The following PCDH7 variants were observed in gnomAD, a reference collection of about 807,000 sequenced individuals.
PCDH7 encodes protocadherin-7.
A neutral mutation model predicts 58.9 loss-of-function variants in PCDH7; 17 were observed. The observed-to-expected ratio is 0.29, with a 90% confidence interval of 0.20 to 0.43. The LOEUF (loss-of-function observed/expected upper bound fraction) is 0.43, where lower values mean the gene tolerates loss of function less well. Among genes scored for constraint, PCDH7 ranks in the 20% least tolerant of loss-of-function variants. The pLI is 1.00. For synonymous variants in PCDH7, 664 were observed against 616.4 expected, an observed-to-expected ratio of 1.08 and a Z score of -1.14; for missense variants, 1,274 against 1,441.0, an observed-to-expected ratio of 0.88 and a Z score of 1.88.
chr4:30,792,665 G>A (rs144173710), intron 1 of PCDH7, among the ~76,000 whole-genome samples: 1 of 152,094 alleles, frequency 6.6e-6, no homozygotes, highest in African/African-American at 2.4e-5. Context: ...AGCTCAGTCT[G>A]TTTTCTAATT....
exon 2 of PCDH7, chr4:30,732,682 C>G (rs1003160439): frequency 4.0e-5 from 6 of 151,714 alleles, no homozygotes; most frequent in Non-Finnish European, 7.4e-5. Flanking sequence ...TTCTCGGTTG[C>G]TATGTTAAAA....
chr4:30,976,591 G>C (rs1332877641), intron 3 of PCDH7, among the ~76,000 whole-genome samples: 1 of 151,414 alleles, frequency 6.6e-6, no homozygotes, highest in Non-Finnish European at 1.5e-5. Flanking sequence ...AGTAGAGATG[G>C]GGTTTCACCA....
At position 30,849,977 on chromosome 4, in the gene PCDH7, A is replaced by G. The variant is rs755826317; in HGVS notation, c.71-70176A>G. Among the ~76,000 whole-genome samples, 7 of 151,946 alleles carry G rather than the reference A, an allele frequency of 4.6e-5. No individual in the cohort carries two copies. In the South Asian group the frequency reaches 1.0e-3, roughly 23 times the overall value. On this transcript the variant is annotated intron_variant, in intron 1 of 3. Coordinates refer to the PCDH7 transcript ENST00000509759. ...ATAACATTACTTTGCCTATAGCATA[A>G]TTTTCTTTATTCTGCAAAAGAACCA...
At chr4:30,966,894 TGA>T (rs1749045473) in intron 3 of PCDH7, among the ~76,000 whole-genome samples, 1 of 152,118 alleles carries the variant, frequency 6.6e-6, no homozygotes, top group African/African-American at 2.4e-5. Flanking sequence ...AAATGGAAAC[TGA>T]GAGTCTCCAT....
intron 3 of PCDH7, among the ~76,000 whole-genome samples, chr4:30,988,609 G>A (rs1751195200): frequency 6.6e-6 from 1 of 151,996 alleles, no homozygotes; most frequent in African/African-American, 2.4e-5. Flanking sequence ...CATCAAGGCC[G>A]AGTTAGTTTT....
At chr4:30,837,547 A>G (rs1302260555) in intron 1 of PCDH7, among the ~76,000 whole-genome samples, 2 of 151,988 alleles carry the variant, frequency 1.3e-5, no homozygotes, top group Non-Finnish European at 2.9e-5. Flanking sequence ...AACAAAATAG[A>G]AAATAGAGAA....
In PCDH7 at chr4:30,949,729, T is replaced by C. The variant is rs570758641; in HGVS notation, c.288-391T>C. ...ACAGCTAGGTAGAGACAGAATGAGA[T>C]GATAATCCTACTGTATGTTAGAAAG... On this transcript the variant is annotated intron_variant, in intron 2 of 3. Coordinates refer to the PCDH7 transcript ENST00000509759. Among the ~76,000 whole-genome samples, 14 of 152,198 alleles carry C rather than the reference T, an allele frequency of 9.2e-5. No homozygotes were observed. The South Asian group carries it at 2.5e-3, about 27-fold the overall frequency.
chr4:30,931,387 C>T (rs1744566614), intron 2 of PCDH7, among the ~76,000 whole-genome samples: 1 of 152,062 alleles, frequency 6.6e-6, no homozygotes, highest in African/African-American at 2.4e-5. Flanking sequence ...ACCAGCCTGA[C>T]CAACATGGAG....
chr4:30,825,583 G>C (rs1313794684), intron 1 of PCDH7, among the ~76,000 whole-genome samples: 1 of 152,082 alleles, frequency 6.6e-6, no homozygotes, highest in Non-Finnish European at 1.5e-5. Flanking sequence ...GATGCTTCTT[G>C]CTTAACTGCT....
chr4:30,957,155 G>C (rs1747947699), intron 3 of PCDH7, among the ~76,000 whole-genome samples: 1 of 152,028 alleles, frequency 6.6e-6, no homozygotes, highest in African/African-American at 2.4e-5. Flanking sequence ...TATAACAAAA[G>C]AAACAGAGCA....
intron 2 of PCDH7, among the ~76,000 whole-genome samples, chr4:30,922,703 G>A (rs191035147): frequency 7.2e-5 from 11 of 152,128 alleles, no homozygotes; most frequent in East Asian, 3.9e-4. Flanking sequence ...ATAATGTAAC[G>A]GATCTTTCCT....
At chr4:30,840,564 G>T (rs1731077080) in intron 1 of PCDH7, among the ~76,000 whole-genome samples, 1 of 152,080 alleles carries the variant, frequency 6.6e-6, no homozygotes. Flanking sequence ...TGTGGGGGTA[G>T]ATATTTTTAT....
chr4:30,965,033 C>A (rs1748874189), intron 3 of PCDH7, among the ~76,000 whole-genome samples: 1 of 152,108 alleles, frequency 6.6e-6, no homozygotes, highest in African/African-American at 2.4e-5. Context: ...CTCTAGAATC[C>A]ATAAGAAATG....
At chr4:31,123,198 C>T (rs1423309206) in intron 3 of PCDH7, among the ~76,000 whole-genome samples, 1 of 151,920 alleles carries the variant, frequency 6.6e-6, no homozygotes, top group Non-Finnish European at 1.5e-5. Context: ...CTTTCATTTT[C>T]TTATTGGTAA....
intron 3 of PCDH7, among the ~76,000 whole-genome samples, chr4:31,113,763 C>A (rs575492441): frequency 6.6e-6 from 1 of 151,612 alleles, no homozygotes; most frequent in Non-Finnish European, 1.5e-5. Flanking sequence ...TCTTAGGGAC[C>A]ATCTGCCATA....
chr4:30,759,417 T>TCGG (rs1719744267), intron 1 of PCDH7, among the ~76,000 whole-genome samples: 1 of 152,202 alleles, frequency 6.6e-6, no homozygotes, highest in African/African-American at 2.4e-5. Flanking sequence ...ATTCGGTGAA[T>TCGG]CGGCTTTCAG....
chr4:30,776,877 G>GTC (rs1209839170), intron 1 of PCDH7, among the ~76,000 whole-genome samples: 208 of 151,784 alleles, frequency 1.4e-3, no homozygotes, highest in African/African-American at 4.8e-3. Context: ...GTGTGTGTGT[G>GTC]TGTGTGTGTA....
chr4:31,038,196 ATTGT>A (rs1412663359), intron 3 of PCDH7, among the ~76,000 whole-genome samples: 3 of 152,160 alleles, frequency 2.0e-5, no homozygotes, highest in African/African-American at 7.2e-5. Context: ...TTCCGAGGAG[ATTGT>A]TTGATATCTA....
chr4:30,795,178 A>G (rs1724627679), intron 1 of PCDH7, among the ~76,000 whole-genome samples: 1 of 152,128 alleles, frequency 6.6e-6, no homozygotes, highest in African/African-American at 2.4e-5. Context: ...TGGAGGTCTC[A>G]CTATGTTGCC....
Sources: allele counts gnomAD v4.1 joint callset (sites outside exome capture counted in the v4.1 genomes callset), GRCh38; gene constraint gnomAD v4.1.1; transcripts MANE v1.5; gene names NCBI Gene and HGNC (gene_info 2026-07-23, HGNC 2026-07-21).